MAGI2: variants seen among roughly 807,000 people sequenced by gnomAD.
MAGI2 encodes membrane-associated guanylate kinase, WW and PDZ domain-containing protein 2.
In MAGI2, 35 loss-of-function variants were observed where a neutral mutation model predicts 133.3. The ratio of observed to expected loss-of-function variants is 0.26; its 90% confidence interval spans 0.20 to 0.35. The LOEUF (loss-of-function observed/expected upper bound fraction) is 0.35, where lower values mean the gene tolerates loss of function less well. Ranked by LOEUF, MAGI2 falls within the 10% of genes least tolerant of loss-of-function variation. The probability of loss-of-function intolerance (pLI) is 1.00; values close to 1 mark genes in which losing one functional copy is unlikely to be tolerated. For synonymous variants in MAGI2, 729 were observed against 710.6 expected, an observed-to-expected ratio of 1.03 and a Z score of -0.41; for missense variants, 1,636 against 1,863.4, an observed-to-expected ratio of 0.88 and a Z score of 2.25.
At chr7:78,209,142 A>ATTTAT (rs1787457409) in intron 10 of MAGI2, among the ~76,000 whole-genome samples, 1 of 81,066 alleles carries the variant, frequency 1.2e-5, no homozygotes, top group Admixed American at 1.5e-4. Flanking sequence ...GAATGGCGTG[A>ATTTAT]ACCCGGGAGG....
chr7:78,220,197 C>A (rs552807872), intron 10 of MAGI2, among the ~76,000 whole-genome samples: 29 of 152,274 alleles, frequency 1.9e-4, no homozygotes, highest in Admixed American at 1.4e-3. Flanking sequence ...CCCTGCTGGG[C>A]CCATTTCTAC....
At position 78,855,543 on chromosome 7, in the gene MAGI2, T is replaced by C. The variant is rs866811851; in HGVS notation, c.418+151547A>G. Among the ~76,000 whole-genome samples, 23 of 152,252 alleles carry C rather than the reference T, an allele frequency of 1.5e-4. No individual in the cohort carries two copies. In the South Asian group the frequency reaches 2.1e-3, roughly 14 times the overall value. ...CCTTGAGATAGTTTGCTCAGAATGA[T>C]GGTTTCCAGCTTCATCCATGTCCCT... On this transcript the variant is annotated intron_variant, in intron 2 of 21. Coordinates refer to ENST00000354212, the MANE Select transcript of MAGI2 (RefSeq NM_012301.4).
At chr7:78,147,834 C>CA (rs958849426) in intron 16 of MAGI2, among the ~76,000 whole-genome samples, 16 of 151,354 alleles carry the variant, frequency 1.1e-4, no homozygotes, top group Non-Finnish European at 2.2e-4. Context: ...CCATCTCTAC[C>CA]AAAAAAAACC....
intron 21 of MAGI2, among the ~76,000 whole-genome samples, chr7:78,034,680 A>C (rs1230627284): frequency 6.6e-6 from 1 of 152,034 alleles, no homozygotes; most frequent in Non-Finnish European, 1.5e-5. Context: ...GTTGTGCACC[A>C]CCACGCCTGG....
chr7:79,309,477 T>C (rs1035267830), intron 1 of MAGI2, among the ~76,000 whole-genome samples: 2 of 151,712 alleles, frequency 1.3e-5, no homozygotes, highest in Non-Finnish European at 2.9e-5. Flanking sequence ...TTTTCTGCTA[T>C]TGAATATTTC....
chr7:79,298,678 T>C (rs1452679392), intron 1 of MAGI2, among the ~76,000 whole-genome samples: 1 of 152,132 alleles, frequency 6.6e-6, no homozygotes, highest in Non-Finnish European at 1.5e-5. Flanking sequence ...AAAATTCATA[T>C]GTTGAAGTCC....
intron 2 of MAGI2, among the ~76,000 whole-genome samples, chr7:78,882,109 G>GAAAAAAAAAAAAAAAAAAAAAAA (rs1795915418): frequency 2.0e-5 from 1 of 50,848 alleles, no homozygotes; most frequent in African/African-American, 7.5e-5. Flanking sequence ...AAAAAAAAAA[G>GAAAAAAAAAAAAAAAAAAAAAAA]AAAAGAAAAA....
chr7:78,919,740 T>A (rs1462851998), intron 2 of MAGI2, among the ~76,000 whole-genome samples: 1 of 152,140 alleles, frequency 6.6e-6, no homozygotes, highest in Non-Finnish European at 1.5e-5. Context: ...TAAAGATAGA[T>A]ATGACTCACT....
intron 1 of MAGI2, among the ~76,000 whole-genome samples, chr7:79,326,935 G>C (rs1397494207): frequency 6.6e-6 from 1 of 152,156 alleles, no homozygotes; most frequent in Non-Finnish European, 1.5e-5. Context: ...ACTTCTGAGA[G>C]AAGACGAAAG....
intron 2 of MAGI2, among the ~76,000 whole-genome samples, chr7:78,780,112 C>T (rs779860288): frequency 2.3e-4 from 35 of 152,160 alleles, no homozygotes; most frequent in Non-Finnish European, 4.6e-4. Context: ...GAAAAGAATG[C>T]GTGTTATGAC....
chr7:79,017,549 C>A (rs765862296), intron 1 of MAGI2, among the ~76,000 whole-genome samples: 1 of 152,192 alleles, frequency 6.6e-6, no homozygotes, highest in Non-Finnish European at 1.5e-5. Flanking sequence ...TCCAAATGAC[C>A]ACACTAGTTC....
chr7:78,711,628 C>G (rs1819201390), intron 2 of MAGI2, among the ~76,000 whole-genome samples: 1 of 151,940 alleles, frequency 6.6e-6, no homozygotes, highest in Non-Finnish European at 1.5e-5. Context: ...CCCAGCTTCT[C>G]TTCTTACCTC....
chr7:79,240,514 A>C (rs748668939), intron 1 of MAGI2, among the ~76,000 whole-genome samples: 2 of 152,200 alleles, frequency 1.3e-5, no homozygotes, highest in Non-Finnish European at 2.9e-5. Context: ...GGCAACATCC[A>C]GCAAAAAATG....
In MAGI2 at chr7:79,301,672, G is replaced by A. The variant is rs190842474; in HGVS notation, c.301+151348C>T. Reference sequence around the variant, plus strand: ...AGCTAAGACTTTGAGGAGCTATTGGGAGGGAATGATTGTATTTTGCAAGTG... The same window carrying A: ...AGCTAAGACTTTGAGGAGCTATTGGAAGGGAATGATTGTATTTTGCAAGTG... On this transcript the variant is annotated intron_variant, in intron 1 of 21. Transcript: ENST00000354212. Among the ~76,000 whole-genome samples, 617 of 152,324 alleles carry A rather than the reference G, an allele frequency of 4.1e-3. 3 individuals carry two copies. Among genetic ancestry groups the A allele is most frequent in the Non-Finnish European group, 6.2e-3 (423 of 68,028 alleles).
chr7:79,093,730 T>C (rs867291453), intron 1 of MAGI2, among the ~76,000 whole-genome samples: 1,806 of 150,166 alleles, frequency 0.012, 42 homozygotes, highest in African/African-American at 0.041. Flanking sequence ...TTTTTTTTTT[T>C]TTAGATGGAG....
chr7:78,518,248 T>C (rs1245324228), intron 4 of MAGI2: 1 of 152,214 alleles, frequency 6.6e-6, no homozygotes, highest in Non-Finnish European at 1.5e-5. Context: ...TAATGCCACT[T>C]TGAAAGATAT....
At chr7:79,084,667 T>C (rs1181046160) in intron 1 of MAGI2, among the ~76,000 whole-genome samples, 2 of 151,820 alleles carry the variant, frequency 1.3e-5, no homozygotes, top group African/African-American at 4.8e-5. Flanking sequence ...TGATTTATAA[T>C]GATAGTGAGT....
intron 13 of MAGI2, among the ~76,000 whole-genome samples, chr7:78,182,463 C>G (rs998680430): frequency 6.6e-6 from 1 of 152,178 alleles, no homozygotes; most frequent in Admixed American, 6.5e-5. Context: ...CTCCCAGTTT[C>G]TATTTGGTTC....
chr7:78,106,487 G>A (rs1432913155), intron 20 of MAGI2, among the ~76,000 whole-genome samples: 2 of 151,988 alleles, frequency 1.3e-5, no homozygotes, highest in East Asian at 1.9e-4. Flanking sequence ...GTGTACAAGC[G>A]TTCCCCTATC....
Sources: gnomAD v4.1 joint callset for allele counts (sites outside exome capture counted in the v4.1 genomes callset) on GRCh38, gnomAD v4.1.1 for gene constraint, MANE v1.5 for transcripts, NCBI Gene and HGNC (gene_info 2026-07-23, HGNC 2026-07-21) for gene names.